CFAP96: variants seen among roughly 807,000 people sequenced by gnomAD.
The protein encoded by CFAP96 is cilia and flagella associated protein 96.
chr4:185,440,731 A>C, the CFAP96 span: 1 of 1,183,030 alleles, frequency 8.5e-7, no homozygotes, highest in Non-Finnish European at 1.1e-6. Flanking sequence ...TAAGTTTACA[A>C]TTTTAGGATG....
chr4:185,422,494 T>C, the CFAP96 span: 1 of 1,609,426 alleles, frequency 6.2e-7, no homozygotes, highest in Non-Finnish European at 8.5e-7. Context: ...CCATTAGGAG[T>C]AGCTAGCTGA....
chr4:185,425,155 G>A, the CFAP96 span, among the ~76,000 whole-genome samples: 1 of 152,190 alleles, frequency 6.6e-6, no homozygotes, highest in Admixed American at 6.5e-5. Flanking sequence ...ATGTCGGGGA[G>A]TTGAGAAGAG....
chr4:185,448,597 G>T, the CFAP96 span, among the ~76,000 whole-genome samples: 2 of 152,168 alleles, frequency 1.3e-5, no homozygotes, highest in Non-Finnish European at 2.9e-5. Flanking sequence ...TTGTCTACAG[G>T]AATACTATTC....
chr4:185,413,831 A>C, the CFAP96 span: 20 of 1,613,374 alleles, frequency 1.2e-5, no homozygotes, highest in Non-Finnish European at 1.7e-5. Context: ...ACCTTTTGAA[A>C]TAGGGTCTGT....
the CFAP96 span, among the ~76,000 whole-genome samples, chr4:185,416,879 G>C: frequency 6.6e-6 from 1 of 152,098 alleles, no homozygotes; most frequent in Non-Finnish European, 1.5e-5. Context: ...AATACAAAAG[G>C]AAATGACAGA....
At chr4:185,415,876 A>G in the CFAP96 span, 1 of 1,600,578 alleles carries the variant, frequency 6.2e-7, no homozygotes, top group East Asian at 2.2e-5. Flanking sequence ...TGCTATATAG[A>G]TAAACAGTAA....
At chr4:185,436,185 T>C in the CFAP96 span, 3 of 1,547,574 alleles carry the variant, frequency 1.9e-6, no homozygotes, top group African/African-American at 2.8e-5. Flanking sequence ...TGGATATGGG[T>C]AAGATATTTT....
At chr4:185,437,244 A>G in the CFAP96 span, among the ~76,000 whole-genome samples, 1 of 152,188 alleles carries the variant, frequency 6.6e-6, no homozygotes, top group Non-Finnish European at 1.5e-5. Context: ...ATGTGCTAGC[A>G]TATGCCTCTT....
the CFAP96 span, among the ~76,000 whole-genome samples, chr4:185,441,998 C>G: frequency 6.6e-6 from 1 of 152,036 alleles, no homozygotes; most frequent in South Asian, 2.1e-4. Flanking sequence ...ATTTTTAACA[C>G]CATTACTTTG....
chr4:185,441,591 A>T, the CFAP96 span, among the ~76,000 whole-genome samples: 1 of 151,856 alleles, frequency 6.6e-6, no homozygotes, highest in Non-Finnish European at 1.5e-5. Flanking sequence ...ATATTAGAAT[A>T]ATGTGGCTTC....
At chr4:185,426,877 A>C in the CFAP96 span, among the ~76,000 whole-genome samples, 1 of 67,556 alleles carries the variant, frequency 1.5e-5, no homozygotes, top group East Asian at 5.2e-4. Context: ...TACTAAAAAT[A>C]CCAAAAAAAA....
the CFAP96 span, chr4:185,445,032 A>ATAT: frequency 1.3e-6 from 2 of 1,551,614 alleles, no homozygotes. Flanking sequence ...ATGTGGCTAA[A>ATAT]TTGGCAAATA....
At chr4:185,423,427 GAATC>G in the CFAP96 span, among the ~76,000 whole-genome samples, 3 of 152,154 alleles carry the variant, frequency 2.0e-5, no homozygotes, top group Non-Finnish European at 2.9e-5. Context: ...ATGGCAGTAA[GAATC>G]AAAGGTTTAT....
the CFAP96 span, among the ~76,000 whole-genome samples, chr4:185,421,453 A>G: frequency 2.1e-4 from 32 of 152,264 alleles, no homozygotes; most frequent in African/African-American, 1.7e-4. Flanking sequence ...CCTCACAGTA[A>G]TAAGAGTGAG....
the CFAP96 span, among the ~76,000 whole-genome samples, chr4:185,434,175 C>T: frequency 3.9e-5 from 6 of 151,914 alleles, no homozygotes; most frequent in African/African-American, 1.2e-4. Context: ...GCTGAGACTG[C>T]ACCACTGCAC....
the CFAP96 span, chr4:185,431,940 TAGTC>T: frequency 3.6e-6 from 5 of 1,404,568 alleles, no homozygotes; most frequent in Admixed American, 1.2e-4. Context: ...CTTTAATTGC[TAGTC>T]AGCTCAAAAT....
chr4:185,437,722 T>C, the CFAP96 span, among the ~76,000 whole-genome samples: 1 of 152,192 alleles, frequency 6.6e-6, no homozygotes, highest in Non-Finnish European at 1.5e-5. Flanking sequence ...GCTCTGTAAT[T>C]AATCTTTTAC....
chr4:185,433,711 G>C, the CFAP96 span, among the ~76,000 whole-genome samples: 1 of 152,010 alleles, frequency 6.6e-6, no homozygotes, highest in Admixed American at 6.6e-5. Flanking sequence ...AGACCAGCCT[G>C]GCCAACATGG....
At chr4:185,426,042 G>T in the CFAP96 span, 1 of 700,070 alleles carries the variant, frequency 1.4e-6, no homozygotes, top group Non-Finnish European at 2.4e-6. Flanking sequence ...GTCCCTCGCG[G>T]ACGGCGAGGC....
Sources: allele counts gnomAD v4.1 joint callset (sites outside exome capture counted in the v4.1 genomes callset), GRCh38; gene constraint gnomAD v4.1.1; transcripts MANE v1.5; gene names NCBI Gene and HGNC (gene_info 2026-07-23, HGNC 2026-07-21).